ZNF721: variants seen among roughly 807,000 people sequenced by gnomAD.
The protein encoded by ZNF721 is zinc finger protein 721.
In ZNF721, 2 loss-of-function variants were observed where a neutral mutation model predicts 2.4. That is an observed-to-expected ratio of 0.82 (90% CI 0.34 to 2.58). The LOEUF is 2.58. Among genes scored for constraint, ZNF721 ranks in the 30% most tolerant of loss-of-function variants. The probability of loss-of-function intolerance (pLI) is 0.11; values close to 1 mark genes in which losing one functional copy is unlikely to be tolerated. For missense variants in ZNF721, 1,187 were observed against 1,085.5 expected, an observed-to-expected ratio of 1.09 and a Z score of -1.31; for synonymous variants, 398 against 381.8, an observed-to-expected ratio of 1.04 and a Z score of -0.50.
Position 440,500 on chromosome 4 carries a change from T to A in ZNF721, c.*1195A>T, listed in dbSNP as rs1714196288. Reference sequence around the variant, plus strand: ...ATTTTCTAACAGGTTCAACTTTTGTTATACTTAATACTCTGATTTATTTTA... The same window carrying A: ...ATTTTCTAACAGGTTCAACTTTTGTAATACTTAATACTCTGATTTATTTTA... On this transcript the variant is annotated 3_prime_UTR_variant, in exon 3 of 3. Coordinates refer to ENST00000511833, the MANE Select transcript of ZNF721 (RefSeq NM_133474.4). The A allele has an allele frequency of 6.6e-6, 1 of 152,246 alleles. No homozygotes were observed. Among genetic ancestry groups the A allele is most frequent in the East Asian group, 1.9e-4 (1 of 5,206 alleles). The allele number at this position is 152,246 out of a possible 1,614,324, so 9.4% of individuals were successfully genotyped here. A position where few individuals can be genotyped will look rare whatever the true frequency, so the allele number is the denominator to read the frequency against.
chr4:470,486 G>A (rs1188648038), intron 2 of ZNF721, among the ~76,000 whole-genome samples: 1 of 152,074 alleles, frequency 6.6e-6, no homozygotes, highest in African/African-American at 2.4e-5. Flanking sequence ...GAACAAGGCG[G>A]GAGGATCACT....
intron 1 of ZNF721, among the ~76,000 whole-genome samples, chr4:486,300 A>G (rs1174020272): frequency 6.6e-6 from 1 of 151,984 alleles, no homozygotes; most frequent in South Asian, 2.1e-4. Context: ...CTGGGACTAC[A>G]GGCGTCCGCC....
chr4:480,159 A>G (rs1715736809), intron 1 of ZNF721, among the ~76,000 whole-genome samples: 1 of 152,088 alleles, frequency 6.6e-6, no homozygotes, highest in African/African-American at 2.4e-5. Context: ...TTATGCATGT[A>G]TTTGTCTTCC....
intron 1 of ZNF721, among the ~76,000 whole-genome samples, chr4:490,346 G>T (rs568329747): frequency 6.6e-6 from 1 of 152,078 alleles, no homozygotes; most frequent in Non-Finnish European, 1.5e-5. Flanking sequence ...TGTGGTGGCA[G>T]GCGCCTGTAG....
At chr4:471,640 G>A (rs1490105787) in intron 2 of ZNF721, among the ~76,000 whole-genome samples, 1 of 152,018 alleles carries the variant, frequency 6.6e-6, no homozygotes, top group Non-Finnish European at 1.5e-5. Context: ...GAAACCTAAT[G>A]CTAATGTACA....
intron 2 of ZNF721, among the ~76,000 whole-genome samples, chr4:450,099 GA>G (rs2108692991): frequency 6.6e-6 from 1 of 152,266 alleles, no homozygotes; most frequent in African/African-American, 2.4e-5. Flanking sequence ...AAAAATAATT[GA>G]AATTGCTGGA....
At position 443,931 on chromosome 4, in the gene ZNF721, T is replaced by C; in HGVS notation, c.536A>G (p.Asn179Ser). ...ECGKAFNRSTNLTAHKRIHNR... is the reference protein window; with the variant it reads ...ECGKAFNRSTSLTAHKRIHNR... ...GTGAATTCTCTTATGTGCAGTAAGGTTTGTTGACCTATTAAAGGCTTTGCC... is the reference window on the plus strand; with the variant it reads ...GTGAATTCTCTTATGTGCAGTAAGGCTTGTTGACCTATTAAAGGCTTTGCC... The change falls in exon 3 of 3, where the codon AAC becomes AGC. Residue 179 changes from asparagine (N) to serine (S), a missense_variant. Asn to Ser is a conservative substitution (Grantham distance 46). Coordinates refer to ENST00000511833, the MANE Select transcript of ZNF721 (RefSeq NM_133474.4). 1.2e-6 allele frequency: 2 copies of C among 1,613,980 alleles called. No homozygotes were observed. The highest frequency in any genetic ancestry group is 1.7e-6 in the Non-Finnish European group (2 of 1,179,976).
chr4:451,799 C>T (rs946023284), intron 2 of ZNF721, among the ~76,000 whole-genome samples: 3 of 152,162 alleles, frequency 2.0e-5, no homozygotes, highest in Admixed American at 6.5e-5. Context: ...TTTTCAGCCA[C>T]GAGGACTGGG....
intron 2 of ZNF721, among the ~76,000 whole-genome samples, chr4:463,372 GA>G (rs1165306176): frequency 1.3e-5 from 2 of 152,148 alleles, no homozygotes; most frequent in Non-Finnish European, 2.9e-5. Context: ...TCTAGACCCA[GA>G]AATACCATTT....
At chr4:495,455 CTT>C (rs35860173) in intron 1 of ZNF721, among the ~76,000 whole-genome samples, 3 of 140,400 alleles carry the variant, frequency 2.1e-5, no homozygotes, top group Admixed American at 7.2e-5. Context: ...TTAAAATTGA[CTT>C]TTTTTTTTTT....
rs558531891 is a variant in ZNF721 at position 499,064 on chromosome 4, G to A, written c.-102C>T. On this transcript the variant is annotated 5_prime_UTR_variant, in exon 1 of 3. Coordinates refer to ENST00000511833, the MANE Select transcript of ZNF721 (RefSeq NM_133474.4). ...TTTTTAAAACCTCGTACCTCGCCGT[G>A]GGCGGCGACCGTCGCGGACTCGCCG... is the stretch of plus-strand genomic sequence containing the variant. The A allele has an allele frequency of 1.1e-5, 6 of 530,498 alleles. No individual in the cohort carries two copies. The highest frequency in any genetic ancestry group is 2.0e-5 in the African/African-American group (1 of 50,132). The allele number at this position is 530,498 out of a possible 1,614,324, so 32.9% of individuals were successfully genotyped here. A position where few individuals can be genotyped will look rare whatever the true frequency, so the allele number is the denominator to read the frequency against.
At chr4:470,998 CA>C (rs782706278) in intron 2 of ZNF721, among the ~76,000 whole-genome samples, 2,325 of 79,300 alleles carry the variant, frequency 0.029, 37 homozygotes, top group African/African-American at 0.088. Context: ...GACTCTGTCT[CA>C]AAAAAAAAAA....
intron 2 of ZNF721, among the ~76,000 whole-genome samples, chr4:451,831 A>G (rs1450396044): frequency 6.6e-6 from 1 of 152,140 alleles, no homozygotes; most frequent in Non-Finnish European, 1.5e-5. Context: ...GGGGCTTCCC[A>G]TATCCTGGGA....
chr4:451,784 G>A (rs990194559), intron 2 of ZNF721, among the ~76,000 whole-genome samples: 13 of 152,198 alleles, frequency 8.5e-5, no homozygotes, highest in African/African-American at 2.4e-5. Context: ...GCGAAAACGT[G>A]CCATTTTTCA....
chr4:441,704 T>C lies in ZNF721; in HGVS notation c.2763A>G (p.Ile921Met), dbSNP rs373967952. The C allele has an allele frequency of 3.1e-5, 49 of 1,606,426 alleles. No individual in the cohort carries two copies. The Admixed American group carries it at 7.7e-4, about 25-fold the overall frequency. ...HKKIHTGDKTIQV is the reference protein window; with the variant it reads ...HKKIHTGDKTMQV ...GGCTTTGCCACATTCTTTACACTTG[T>C]ATGGTTTTATCTCCAGTATGAATTT... Residue 921 changes from isoleucine (I) to methionine (M), a missense_variant, in exon 3 of 3, where the codon ATA becomes ATG. Transcript: ENST00000511833.
chr4:450,951 AAAAAAATATATATATATAT>A (rs1291205149), intron 2 of ZNF721, among the ~76,000 whole-genome samples: 5,010 of 50,184 alleles, frequency 0.1, 472 homozygotes, highest in African/African-American at 0.27. Flanking sequence ...AAAAAAAAAA[AAAAAAATATATATATATAT>A]ATATATATAT....
chr4:442,812 G>T lies in ZNF721; in HGVS notation c.1655C>A (p.Thr552Asn), dbSNP rs368386329. The T allele has an allele frequency of 6.2e-7, 1 of 1,613,874 alleles. No individual in the cohort carries two copies. The highest frequency in any genetic ancestry group is 8.5e-7 in the Non-Finnish European group (1 of 1,179,896). Residue 552 changes from threonine to asparagine, a missense_variant, in exon 3 of 3, where the codon ACT (threonine) becomes AAT (asparagine). Thr to Asn is a moderately conservative substitution (Grantham distance 65, BLOSUM62 0). Transcript: ENST00000511833. ...TTCACATGTGTAGGGTTTCTCTCCA[G>T]TATGAATTCTCCTATGTACATAAAG... ...AILYVHRRIH[T>N]GEKPYTCEEC...
chr4:452,557 C>G (rs1714705937), intron 2 of ZNF721, among the ~76,000 whole-genome samples: 2 of 152,136 alleles, frequency 1.3e-5, no homozygotes, highest in Non-Finnish European at 2.9e-5. Flanking sequence ...ACAAGCTGAA[C>G]AAGCGGTGCA....
At chr4:472,387 T>C (rs1203544198) in intron 2 of ZNF721, among the ~76,000 whole-genome samples, 188 bp downstream of exon 2, 2 of 152,270 alleles carry the variant, frequency 1.3e-5, no homozygotes, top group Non-Finnish European at 2.9e-5. Flanking sequence ...AAATGATATG[T>C]TGCTTCACTT....
Sources: gnomAD v4.1 joint callset for allele counts (sites outside exome capture counted in the v4.1 genomes callset) on GRCh38, gnomAD v4.1.1 for gene constraint, MANE v1.5 for transcripts, NCBI Gene and HGNC (gene_info 2026-07-23, HGNC 2026-07-21) for gene names.